ACAP2: variants seen among roughly 807,000 people sequenced by gnomAD.
ACAP2 encodes the protein ArfGAP with coiled-coil, ankyrin repeat and PH domains 2, also known as arf-GAP with coiled-coil, ANK repeat and PH domain-containing protein 2.
Under a neutral mutation model 115.8 loss-of-function variants are expected in ACAP2, and 39 were observed. That is an observed-to-expected ratio of 0.34 (90% CI 0.26 to 0.44). ACAP2 has a LOEUF of 0.44. ACAP2 is among the 20% of genes least tolerant of loss of function. The pLI, the probability that ACAP2 is intolerant of heterozygous loss-of-function variation, is 1.00. For synonymous variants in ACAP2, 289 were observed against 315.8 expected, an observed-to-expected ratio of 0.92 and a Z score of 0.90; for missense variants, 662 against 927.6, an observed-to-expected ratio of 0.71 and a Z score of 3.72.
chr3:195,310,043 AT>A (rs1728661581), intron 10 of ACAP2, among the ~76,000 whole-genome samples: 2 of 152,214 alleles, frequency 1.3e-5, no homozygotes, highest in African/African-American at 4.8e-5. Context: ...GATGATTTCT[AT>A]TGTAACATTA....
At chr3:195,320,186 T>C (rs1039778341) in intron 10 of ACAP2, among the ~76,000 whole-genome samples, 6 of 152,200 alleles carry the variant, frequency 3.9e-5, no homozygotes, top group Non-Finnish European at 8.8e-5. Context: ...TTAAAACTCC[T>C]TTCTTTATAA....
chr3:195,327,969 T>TAA (rs1243477150), intron 8 of ACAP2, among the ~76,000 whole-genome samples: 54 of 152,040 alleles, frequency 3.6e-4, no homozygotes, highest in African/African-American at 1.3e-3. Flanking sequence ...TGTATATATA[T>TAA]AACCCATTTT....
chr3:195,378,268 G>A (rs150641756), intron 4 of ACAP2, among the ~76,000 whole-genome samples: 65 of 152,240 alleles, frequency 4.3e-4, no homozygotes, highest in African/African-American at 1.5e-3. Flanking sequence ...CAAGGCAGGC[G>A]GATCACAAGG....
chr3:195,400,261 C>T (rs1156275999), intron 1 of ACAP2, among the ~76,000 whole-genome samples: 1 of 151,212 alleles, frequency 6.6e-6, no homozygotes, highest in Non-Finnish European at 1.5e-5. Flanking sequence ...AATCATCCTA[C>T]ATGGAGAATT....
intron 1 of ACAP2, among the ~76,000 whole-genome samples, chr3:195,393,689 T>C (rs1054273856): frequency 6.6e-6 from 1 of 152,242 alleles, no homozygotes; most frequent in Non-Finnish European, 1.5e-5. Context: ...TCATTTAAAC[T>C]TAATTTACAC....
intron 4 of ACAP2, among the ~76,000 whole-genome samples, chr3:195,350,309 C>G (rs933138159): frequency 3.5e-4 from 53 of 152,114 alleles, no homozygotes; most frequent in African/African-American, 1.3e-3. Context: ...CTCATACTAC[C>G]TGATTTCAAG....
At chr3:195,381,839 A>C in intron 3 of ACAP2, 64 bp downstream of exon 3, 1 of 1,538,394 alleles carries the variant, frequency 6.5e-7, no homozygotes, top group Non-Finnish European at 8.8e-7. Flanking sequence ...AGATGAATGC[A>C]CAATTCTTTA....
chr3:195,406,560 G>C (rs144834593), intron 1 of ACAP2, among the ~76,000 whole-genome samples: 102 of 152,162 alleles, frequency 6.7e-4, no homozygotes, highest in African/African-American at 2.3e-3. Flanking sequence ...TAAAAATCCC[G>C]GCCTCAAGTG....
chr3:195,393,894 G>GA (rs1419253028), intron 1 of ACAP2, among the ~76,000 whole-genome samples: 5 of 136,458 alleles, frequency 3.7e-5, no homozygotes, highest in Admixed American at 2.2e-4. Flanking sequence ...TGGGGGGGGG[G>GA]GAAGCAAGCT....
intron 3 of ACAP2, 117 bp downstream of exon 3, chr3:195,381,786 T>C (rs1224230845): frequency 5.6e-6 from 7 of 1,248,332 alleles, no homozygotes; most frequent in Non-Finnish European, 7.7e-6. Context: ...GTGACCACTT[T>C]TCTACTTCTA....
intron 1 of ACAP2, among the ~76,000 whole-genome samples, chr3:195,436,129 A>AT (rs1715524412): frequency 2.3e-5 from 3 of 128,834 alleles, no homozygotes; most frequent in Non-Finnish European, 3.2e-5. Flanking sequence ...GTATATATAT[A>AT]TATATTTTTT....
rs953981061 is a variant in ACAP2 at position 195,275,282 on chromosome 3, C to T, written c.*4046G>A. ...ATCTTGCTTTGTCTCCACATTATCA[C>T]ATTTTAAGTGGATAAATTTATGTAA... On this transcript the variant is annotated 3_prime_UTR_variant, in exon 23 of 23. Coordinates refer to ENST00000326793, the MANE Select transcript of ACAP2 (RefSeq NM_012287.6). 1.3e-5 allele frequency: 2 copies of T among 152,210 alleles called. No homozygotes were observed. Among genetic ancestry groups the T allele is most frequent in the African/African-American group, 2.4e-5 (1 of 41,440 alleles). 9.4% of individuals were successfully genotyped at this position (152,210 alleles called of 1,614,324 possible).
At chr3:195,408,029 T>C (rs1406301081) in intron 1 of ACAP2, among the ~76,000 whole-genome samples, 2 of 152,266 alleles carry the variant, frequency 1.3e-5, no homozygotes, top group Admixed American at 1.3e-4. Flanking sequence ...AGCAAGTATA[T>C]GCCAACAAAC....
chr3:195,404,305 G>T (rs1233015148), intron 1 of ACAP2, among the ~76,000 whole-genome samples: 1 of 152,160 alleles, frequency 6.6e-6, no homozygotes, highest in Non-Finnish European at 1.5e-5. Context: ...ATTAACATCA[G>T]GTTTAAGTCA....
chr3:195,328,618 T>C (rs1033683540), intron 8 of ACAP2, among the ~76,000 whole-genome samples: 1 of 152,206 alleles, frequency 6.6e-6, no homozygotes, highest in Non-Finnish European at 1.5e-5. Context: ...GGACTAACCA[T>C]CCTAGGGGTT....
intron 10 of ACAP2, among the ~76,000 whole-genome samples, chr3:195,312,601 G>T (rs1003335666): frequency 6.6e-6 from 1 of 151,532 alleles, no homozygotes; most frequent in Non-Finnish European, 1.5e-5. Context: ...GGAGTAGCTG[G>T]GACCACAGAG....
chr3:195,326,374 G>A (rs1400307189), intron 9 of ACAP2: 1 of 152,250 alleles, frequency 6.6e-6, no homozygotes, highest in African/African-American at 2.4e-5. Context: ...TTCAAAGTAA[G>A]TTTAGCTAGG....
intron 9 of ACAP2, chr3:195,325,300 T>A (rs893452898): frequency 2.5e-6 from 1 of 402,670 alleles, no homozygotes; most frequent in African/African-American, 2.1e-5. Context: ...TGCGTGCACG[T>A]ATCTGCACAT....
chr3:195,347,800 G>C (rs1252470007), intron 4 of ACAP2, among the ~76,000 whole-genome samples: 1 of 152,130 alleles, frequency 6.6e-6, no homozygotes, highest in East Asian at 1.9e-4. Flanking sequence ...ATGAGGCCAG[G>C]AGTTCAAGAT....
Sources: allele counts gnomAD v4.1 joint callset (sites outside exome capture counted in the v4.1 genomes callset), GRCh38; gene constraint gnomAD v4.1.1; transcripts MANE v1.5; gene names NCBI Gene and HGNC (gene_info 2026-07-23, HGNC 2026-07-21).